Variants in NEDD4L observed in about 807,000 individuals in gnomAD.
NEDD4L encodes NEDD4 like E3 ubiquitin protein ligase.
A neutral mutation model predicts 148.9 loss-of-function variants in NEDD4L; 54 were observed. The observed-to-expected ratio is 0.36, with a 90% CI of 0.29 to 0.45. The LOEUF (loss-of-function observed/expected upper bound fraction) is 0.45, where lower values mean the gene tolerates loss of function less well. Among genes scored for constraint, NEDD4L ranks in the 20% least tolerant of loss-of-function variants. The pLI is 1.00. For synonymous variants in NEDD4L, 433 were observed against 440.7 expected, an observed-to-expected ratio of 0.98 and a Z score of 0.22; for missense variants, 856 against 1,233.8, an observed-to-expected ratio of 0.69 and a Z score of 4.59.
chr18:58,269,253 A>G (rs2050681678), intron 5 of NEDD4L, among the ~76,000 whole-genome samples: 1 of 152,046 alleles, frequency 6.6e-6, no homozygotes, highest in Admixed American at 6.5e-5. Flanking sequence ...ATTTATCTAT[A>G]GAACAGATAT....
chr18:58,386,883 T>G (rs2049100542), intron 26 of NEDD4L, among the ~76,000 whole-genome samples: 1 of 152,166 alleles, frequency 6.6e-6, no homozygotes, highest in African/African-American at 2.4e-5. Context: ...GGAAGCAGAT[T>G]CCTGGGCCCC....
chr18:58,178,952 A>G (rs2038497782), intron 2 of NEDD4L, among the ~76,000 whole-genome samples: 2 of 152,224 alleles, frequency 1.3e-5, no homozygotes, highest in Non-Finnish European at 2.9e-5. Flanking sequence ...AGAAAAATCA[A>G]ACTAGGCTAG....
At chr18:58,102,357 T>A (rs1317866128) in intron 1 of NEDD4L, among the ~76,000 whole-genome samples, 1 of 152,194 alleles carries the variant, frequency 6.6e-6, no homozygotes, top group Non-Finnish European at 1.5e-5. Flanking sequence ...TGAAACTTGT[T>A]ATGCTGTAAC....
intron 25 of NEDD4L, 108 bp downstream of exon 25, chr18:58,383,427 T>C (rs1196582109): frequency 3.0e-6 from 2 of 674,494 alleles, no homozygotes; most frequent in Non-Finnish European, 5.2e-6. Context: ...ATGAGTTTAT[T>C]GGTCAGTTTT....
At chr18:58,201,508 T>C (rs960000792) in intron 2 of NEDD4L, among the ~76,000 whole-genome samples, 1 of 152,242 alleles carries the variant, frequency 6.6e-6, no homozygotes, top group African/African-American at 2.4e-5. Flanking sequence ...TAAATATTTC[T>C]TGGCAGTCCT....
Position 58,161,020 on chromosome 18 carries a change from CTTTT to C in NEDD4L, c.49-4761_49-4758del, listed in dbSNP as rs150307263. On this transcript the variant is annotated intron_variant, in intron 1 of 30. Coordinates refer to ENST00000400345, the MANE Select transcript of NEDD4L (RefSeq NM_001144967.3). ...CTCATAGGGTTGTTTTTCTTTCTTT[CTTTT>C]TTTTTTCTTTGAGACAGGGTCTCAC... 2.0e-5 allele frequency among the ~76,000 whole-genome samples: 3 copies of C among 149,702 alleles called. 1 individual carries two copies. Among genetic ancestry groups the C allele is most frequent in the Middle Eastern group, 6.9e-3 (2 of 288 alleles).
intron 4 of NEDD4L, among the ~76,000 whole-genome samples, chr18:58,249,242 T>A (rs1383712664): frequency 6.6e-6 from 1 of 152,180 alleles, no homozygotes; most frequent in Non-Finnish European, 1.5e-5. Flanking sequence ...ATGAGAATGG[T>A]TTAATTCTAT....
At chr18:58,289,818 A>C (rs1175404613) in intron 5 of NEDD4L, among the ~76,000 whole-genome samples, 1 of 152,224 alleles carries the variant, frequency 6.6e-6, no homozygotes, top group Non-Finnish European at 1.5e-5. Flanking sequence ...ATATGCACAA[A>C]TTGTAAATAC....
intron 21 of NEDD4L, chr18:58,367,299 G>A (rs2046234253): frequency 6.2e-6 from 1 of 160,996 alleles, no homozygotes; most frequent in Admixed American, 6.0e-5. Flanking sequence ...GTAGTGGTCA[G>A]AAGACAGACC....
intron 5 of NEDD4L, among the ~76,000 whole-genome samples, chr18:58,307,949 G>A (rs2057258371): frequency 6.6e-6 from 1 of 152,130 alleles, no homozygotes; most frequent in African/African-American, 2.4e-5. Context: ...GATACATTTA[G>A]TCTGGTATTA....
chr18:58,358,142 T>C (rs947739742), intron 19 of NEDD4L, among the ~76,000 whole-genome samples: 7 of 152,218 alleles, frequency 4.6e-5, no homozygotes, highest in African/African-American at 1.7e-4. Flanking sequence ...GGCTTTAATC[T>C]GATTCCATTC....
rs75676585 is a variant in NEDD4L, at chr18:58,083,268, G to C, written c.48+38560G>C. Among the ~76,000 whole-genome samples the C allele has an allele frequency of 6.5e-3, 993 of 152,314 alleles. 10 individuals are homozygous for C. Among genetic ancestry groups the C allele is most frequent in the Non-Finnish European group, 0.011 (731 of 68,030 alleles). On this transcript the variant is annotated intron_variant, in intron 1 of 30. Transcript: ENST00000400345. ...CTAATTGTGTAATGATTTGGCACGA[G>C]GTACTGATCTAAATGATTTATACAT...
intron 29 of NEDD4L, among the ~76,000 whole-genome samples, chr18:58,390,981 TC>T (rs923932786): frequency 2.0e-5 from 3 of 151,702 alleles, no homozygotes; most frequent in African/African-American, 7.3e-5. Context: ...ATAAGGCTGC[TC>T]TTTTTTTTTT....
chr18:58,290,774 CT>C (rs1001110354), intron 5 of NEDD4L, among the ~76,000 whole-genome samples: 2 of 151,712 alleles, frequency 1.3e-5, no homozygotes, highest in Non-Finnish European at 2.9e-5. Flanking sequence ...AGACATACAA[CT>C]TTGTGTCCTA....
At chr18:58,387,321 G>GGAAT in intron 26 of NEDD4L, 118 bp from the exon 27 acceptor site, 1 of 1,149,842 alleles carries the variant, frequency 8.7e-7, no homozygotes, top group Middle Eastern at 2.6e-4. Context: ...CACTGACATA[G>GGAAT]GAATCATCAG....
chr18:58,355,638 A>G (rs2145771341), intron 18 of NEDD4L, among the ~76,000 whole-genome samples: 1 of 152,172 alleles, frequency 6.6e-6, no homozygotes, highest in South Asian at 2.1e-4. Flanking sequence ...CTTGTTTTCC[A>G]TCACAATAGC....
At chr18:58,173,170 A>T (rs566002290) in intron 2 of NEDD4L, among the ~76,000 whole-genome samples, 1 of 152,338 alleles carries the variant, frequency 6.6e-6, no homozygotes, top group South Asian at 2.1e-4. Context: ...GCAGTCATTA[A>T]ACAGGGTCAT....
chr18:58,300,408 G>A (rs1466675278), intron 5 of NEDD4L, among the ~76,000 whole-genome samples: 1 of 152,188 alleles, frequency 6.6e-6, no homozygotes, highest in Non-Finnish European at 1.5e-5. Flanking sequence ...TCCATCTAGT[G>A]CACAAGTCTT....
At chr18:58,215,545 G>A (rs183891273) in intron 2 of NEDD4L, among the ~76,000 whole-genome samples, 10 of 152,096 alleles carry the variant, frequency 6.6e-5, no homozygotes, top group African/African-American at 2.4e-4. Flanking sequence ...TTGATTTATT[G>A]TATATCTTGT....
Sources: gnomAD v4.1 joint callset for allele counts (sites outside exome capture counted in the v4.1 genomes callset) on GRCh38, gnomAD v4.1.1 for gene constraint, MANE v1.5 for transcripts, NCBI Gene and HGNC (gene_info 2026-07-23, HGNC 2026-07-21) for gene names.